Variants in RPS6KA2 observed in about 807,000 individuals in gnomAD.
RPS6KA2 encodes the protein ribosomal protein S6 kinase alpha-2.
Under a neutral mutation model 91.8 loss-of-function variants are expected in RPS6KA2, and 42 were observed. The ratio of observed to expected loss-of-function variants is 0.46; its 90% confidence interval spans 0.36 to 0.59. RPS6KA2 has a LOEUF of 0.59. Ranked by LOEUF, RPS6KA2 falls within the 20% of genes least tolerant of loss-of-function variation. The probability of loss-of-function intolerance (pLI) is 0.00; values close to 1 mark genes in which losing one functional copy is unlikely to be tolerated. For synonymous variants in RPS6KA2, 414 were observed against 393.6 expected (o/e 1.05, Z -0.61); for missense variants, 798 against 978.5 (o/e 0.82, Z 2.46).
intron 12 of RPS6KA2, among the ~76,000 whole-genome samples, chr6:166,457,313 A>G (rs1780136481): frequency 6.6e-6 from 1 of 152,220 alleles, no homozygotes; most frequent in Admixed American, 6.5e-5. Flanking sequence ...GGGAATCCCC[A>G]AATCCTGCCC....
intron 2 of RPS6KA2, among the ~76,000 whole-genome samples, chr6:166,823,087 T>C (rs1779944541): frequency 6.6e-6 from 1 of 152,160 alleles, no homozygotes; most frequent in Non-Finnish European, 1.5e-5. Flanking sequence ...CACCTGAATA[T>C]TGGTGAGACT....
intron 17 of RPS6KA2, among the ~76,000 whole-genome samples, chr6:166,422,757 C>A (rs527801904): frequency 6.6e-6 from 1 of 152,278 alleles, no homozygotes; most frequent in South Asian, 2.1e-4. Context: ...TGGCAAATCA[C>A]CCCGGAGCCC....
chr6:166,518,482 A>T (rs1782738550), intron 3 of RPS6KA2, among the ~76,000 whole-genome samples: 1 of 152,198 alleles, frequency 6.6e-6, no homozygotes, highest in Non-Finnish European at 1.5e-5. Context: ...TCAAAAGCCA[A>T]AATAAATACA....
chr6:166,547,504 T>A (rs1028654289), intron 1 of RPS6KA2, among the ~76,000 whole-genome samples: 1 of 152,180 alleles, frequency 6.6e-6, no homozygotes, highest in Non-Finnish European at 1.5e-5. Context: ...GTGATCTGGA[T>A]GAGAGCTGGC....
At chr6:166,521,218 G>A (rs1365949248) in intron 3 of RPS6KA2, among the ~76,000 whole-genome samples, 5 of 152,238 alleles carry the variant, frequency 3.3e-5, no homozygotes, top group Non-Finnish European at 5.9e-5. Context: ...AAAGGCTGGG[G>A]TCCAGGCACA....
At position 166,419,873 on chromosome 6, in the gene RPS6KA2, A is replaced by G; in HGVS notation, c.1820+9T>C. 6.2e-7 allele frequency: 1 copy of G among 1,612,694 alleles called. No individual in the cohort carries two copies. Among genetic ancestry groups the G allele is most frequent in the Non-Finnish European group, 8.5e-7 (1 of 1,178,812 alleles). The stretch of plus-strand genomic sequence containing the variant: ...CTCCTCCTGACACCTGTTTGAGGTG[A>G]CTGCTTACCCTGCCAGCATGGTGTA... On this transcript the variant is annotated intron_variant, in intron 18 of 20. Coordinates refer to ENST00000265678, the MANE Select transcript of RPS6KA2 (RefSeq NM_021135.6). This position sits in a 1 kb window ranked among gnomAD's most constrained non-coding sequence, Gnocchi z 5.6.
At chr6:166,765,058 C>T (rs945963367) in intron 2 of RPS6KA2, among the ~76,000 whole-genome samples, 2 of 150,054 alleles carry the variant, frequency 1.3e-5, no homozygotes, top group Admixed American at 6.6e-5. Flanking sequence ...GCTTTCTCCT[C>T]CCTGCCAGCT....
In RPS6KA2 at chr6:166,557,971, G is replaced by A. The variant is rs1784224230; in HGVS notation, c.100-19187C>T. On this transcript the variant is annotated intron_variant, in intron 1 of 20. Transcript: ENST00000265678. The surrounding 1 kb of genome is among the most constrained non-coding windows in gnomAD (Gnocchi z 4.8). ...GTATAGAGATGTATATGTATATACA[G>A]AGGGGTGTGTGTGTGTGTGTATATA... 6.6e-6 allele frequency among the ~76,000 whole-genome samples: 1 copy of A among 150,546 alleles called. No individual in the cohort carries two copies. Among genetic ancestry groups the A allele is most frequent in the South Asian group, 2.1e-4 (1 of 4,660 alleles).
chr6:166,669,034 G>A (rs1257260806), intron 2 of RPS6KA2, among the ~76,000 whole-genome samples: 2 of 151,808 alleles, frequency 1.3e-5, no homozygotes, highest in South Asian at 2.1e-4. Context: ...GGGACCACAG[G>A]TGTGTGCCTC....
At chr6:166,650,622 G>A (rs561010073) in intron 2 of RPS6KA2, among the ~76,000 whole-genome samples, 25 of 152,320 alleles carry the variant, frequency 1.6e-4, no homozygotes, top group African/African-American at 5.1e-4. Flanking sequence ...GCCAGCCAGC[G>A]GCATCCATAT....
chr6:166,633,653 T>C (rs112341249), intron 2 of RPS6KA2, among the ~76,000 whole-genome samples: 2,989 of 152,326 alleles, frequency 0.02, 103 homozygotes, highest in African/African-American at 0.068. Flanking sequence ...TTACAGATTA[T>C]TTAATAGTCA....
intron 2 of RPS6KA2, among the ~76,000 whole-genome samples, chr6:166,712,336 G>T (rs1397509809): frequency 6.6e-6 from 1 of 152,202 alleles, no homozygotes; most frequent in African/African-American, 2.4e-5. Context: ...TCAGGGCAGG[G>T]GCCCCTCTGG....
chr6:166,420,957 G>A (rs902498190), intron 17 of RPS6KA2, among the ~76,000 whole-genome samples: 1 of 152,142 alleles, frequency 6.6e-6, no homozygotes, highest in Non-Finnish European at 1.5e-5. Context: ...ATATCGAGTC[G>A]GGAGAGCTCG....
chr6:166,782,153 G>A (rs1470697968), intron 2 of RPS6KA2, among the ~76,000 whole-genome samples: 1 of 152,170 alleles, frequency 6.6e-6, no homozygotes, highest in African/African-American at 2.4e-5. Flanking sequence ...TTAGCCAGGT[G>A]TAGTGGTGAG....
At chr6:166,747,336 A>C (rs1791052206) in intron 2 of RPS6KA2, among the ~76,000 whole-genome samples, 1 of 152,216 alleles carries the variant, frequency 6.6e-6, no homozygotes, top group Non-Finnish European at 1.5e-5. Context: ...AAGAAAGAGC[A>C]CATATATGTA....
At chr6:166,702,208 A>C (rs539964101) in intron 2 of RPS6KA2, 775 of 1,609,646 alleles carry the variant, frequency 4.8e-4, no homozygotes, top group Non-Finnish European at 6.3e-4. Flanking sequence ...TAATGGCTCC[A>C]ACAAATTGGG....
At chr6:166,486,905 A>T (rs1397999541) in intron 10 of RPS6KA2, among the ~76,000 whole-genome samples, 1 of 152,242 alleles carries the variant, frequency 6.6e-6, no homozygotes. Flanking sequence ...TGCATGGCGC[A>T]GCTCCCAAAA....
At chr6:166,478,929 A>C (rs1781083641) in intron 10 of RPS6KA2, among the ~76,000 whole-genome samples, 1 of 152,226 alleles carries the variant, frequency 6.6e-6, no homozygotes, top group Non-Finnish European at 1.5e-5. Context: ...AGAGAGGTGA[A>C]GCCATCCGCT....
At chr6:166,532,247 G>A (rs1411362561) in intron 2 of RPS6KA2, among the ~76,000 whole-genome samples, 2 of 152,204 alleles carry the variant, frequency 1.3e-5, no homozygotes, top group African/African-American at 2.4e-5. Flanking sequence ...GTGAGCATCC[G>A]TGTGGAGCAG....
Sources: allele counts gnomAD v4.1 joint callset (sites outside exome capture counted in the v4.1 genomes callset), GRCh38; gene constraint gnomAD v4.1.1; non-coding constraint Gnocchi (gnomAD v3.1); transcripts MANE v1.5; gene names NCBI Gene and HGNC (gene_info 2026-07-23, HGNC 2026-07-21).